Variants in BAZ2B observed in about 807,000 individuals in gnomAD.
The protein encoded by BAZ2B is bromodomain adjacent to zinc finger domain protein 2B.
A neutral mutation model predicts 246.0 loss-of-function variants in BAZ2B; 91 were observed. The ratio of observed to expected loss-of-function variants is 0.37; its 90% CI spans 0.31 to 0.44. The LOEUF is 0.44. Ranked by LOEUF, BAZ2B falls within the 20% of genes least tolerant of loss-of-function variation. BAZ2B has a pLI of 1.00. For synonymous variants in BAZ2B, 855 were observed against 860.0 expected (o/e 0.99, Z 0.10); for missense variants, 2,332 against 2,533.7 (o/e 0.92, Z 1.71).
intron 3 of BAZ2B, among the ~76,000 whole-genome samples, chr2:159,455,277 G>C (rs2075593027): frequency 6.6e-6 from 1 of 151,930 alleles, no homozygotes; most frequent in South Asian, 2.1e-4. Flanking sequence ...AAAACCAAGG[G>C]AAAGTCCTAA....
intron 17 of BAZ2B, 163 bp from the exon 18 acceptor site, chr2:159,399,057 G>A (rs543264608): frequency 1.5e-4 from 80 of 533,944 alleles, no homozygotes; most frequent in Middle Eastern, 1.4e-3. Flanking sequence ...TATGTTTAAC[G>A]TAATAATTTT....
chr2:159,659,335 C>T, the BAZ2B span, among the ~76,000 whole-genome samples: 1 of 152,172 alleles, frequency 6.6e-6, no homozygotes, highest in Non-Finnish European at 1.5e-5. Flanking sequence ...GCAGAACCTA[C>T]TAAAAGTTTG....
intron 2 of BAZ2B, among the ~76,000 whole-genome samples, chr2:159,502,279 T>C (rs1222981471): frequency 5.3e-5 from 8 of 151,848 alleles, no homozygotes. Context: ...CTGAATTGTA[T>C]ACTTTAAATG....
intron 3 of BAZ2B, among the ~76,000 whole-genome samples, chr2:159,472,351 T>G (rs950831088): frequency 2.0e-5 from 3 of 152,264 alleles, no homozygotes; most frequent in Admixed American, 6.5e-5. Flanking sequence ...AAGGAGATTT[T>G]GGGCTGAGAT....
At chr2:159,346,778 A>G (rs1229421198) in intron 31 of BAZ2B, among the ~76,000 whole-genome samples, 2 of 152,306 alleles carry the variant, frequency 1.3e-5, no homozygotes, top group Non-Finnish European at 2.9e-5. Flanking sequence ...GGAGACCTTT[A>G]TACCCCTCTT....
At chr2:159,540,748 TG>T (rs561665840) in intron 2 of BAZ2B, among the ~76,000 whole-genome samples, 72 of 152,324 alleles carry the variant, frequency 4.7e-4, no homozygotes, top group Non-Finnish European at 8.5e-4. Flanking sequence ...AAACGATACT[TG>T]GAAACTATCT....
chr2:159,362,681 T>C (rs955105242), intron 27 of BAZ2B, among the ~76,000 whole-genome samples: 2 of 152,196 alleles, frequency 1.3e-5, no homozygotes, highest in African/African-American at 4.8e-5. Context: ...GAATTTCTCC[T>C]GGGGACAGTG....
At chr2:159,450,476 A>G (rs1453719225) in intron 4 of BAZ2B, among the ~76,000 whole-genome samples, 4 of 152,148 alleles carry the variant, frequency 2.6e-5, no homozygotes, top group African/African-American at 7.2e-5. Flanking sequence ...AAGAAAATAC[A>G]AAACAATAAG....
chr2:159,584,264 A>T (rs72960256), intron 1 of BAZ2B, among the ~76,000 whole-genome samples: 1 of 151,844 alleles, frequency 6.6e-6, no homozygotes, highest in Non-Finnish European at 1.5e-5. Context: ...TGGGACTACA[A>T]GCATGTGCCA....
chr2:159,451,074 T>C (rs1035640061), intron 4 of BAZ2B, among the ~76,000 whole-genome samples: 1 of 152,186 alleles, frequency 6.6e-6, no homozygotes, highest in Admixed American at 6.5e-5. Flanking sequence ...TCAGAGGACA[T>C]AACAGATCTC....
At chr2:159,653,523 C>G in the BAZ2B span, among the ~76,000 whole-genome samples, 1 of 152,240 alleles carries the variant, frequency 6.6e-6, no homozygotes, top group African/African-American at 2.4e-5. Context: ...CCTAGTACCT[C>G]TAAACAAAAC....
At chr2:159,461,763 T>C (rs1184975371) in intron 3 of BAZ2B, 1 of 152,720 alleles carries the variant, frequency 6.5e-6, no homozygotes, top group Non-Finnish European at 1.5e-5. Context: ...GCAAACGTGT[T>C]CAAGTGCAGG....
At chr2:159,625,468 G>T in the BAZ2B span, among the ~76,000 whole-genome samples, 1 of 152,164 alleles carries the variant, frequency 6.6e-6, no homozygotes, top group East Asian at 1.9e-4. Context: ...ATCAGAGTAA[G>T]AGTGGATCTC....
intron 3 of BAZ2B, chr2:159,462,430 A>C (rs1303181867): frequency 1.6e-6 from 2 of 1,240,440 alleles, no homozygotes; most frequent in Admixed American, 1.7e-5. Flanking sequence ...GTTGTAGCTG[A>C]GTAATCTTGT....
intron 27 of BAZ2B, among the ~76,000 whole-genome samples, chr2:159,361,322 T>C (rs537415178): frequency 4.3e-4 from 66 of 152,304 alleles, no homozygotes; most frequent in African/African-American, 1.2e-3. Flanking sequence ...AAAGAAGACA[T>C]TGATGCAGCC....
chr2:159,424,005 C>T (rs1428308090), intron 13 of BAZ2B, among the ~76,000 whole-genome samples: 1 of 151,960 alleles, frequency 6.6e-6, no homozygotes, highest in Non-Finnish European at 1.5e-5. Context: ...CCTGAGCCTA[C>T]AATAAAAGTT....
At chr2:159,392,320 C>T (rs555228685) in intron 20 of BAZ2B, 1 of 152,190 alleles carries the variant, frequency 6.6e-6, no homozygotes, top group South Asian at 2.1e-4. Context: ...TGCCTAGTTC[C>T]TCCTCCTTCA....
chr2:159,559,190 A>G (rs1398051026), intron 1 of BAZ2B, among the ~76,000 whole-genome samples: 1 of 152,036 alleles, frequency 6.6e-6, no homozygotes, highest in African/African-American at 2.4e-5. Flanking sequence ...GGCTGCAGTG[A>G]GCTCTGATCG....
intron 1 of BAZ2B, among the ~76,000 whole-genome samples, chr2:159,615,096 G>C (rs1331865682): frequency 2.6e-5 from 4 of 152,186 alleles, no homozygotes; most frequent in African/African-American, 9.7e-5. Context: ...AAGGACTGCA[G>C]CTGCTTCCCT....
Sources: allele counts gnomAD v4.1 joint callset (sites outside exome capture counted in the v4.1 genomes callset), GRCh38; gene constraint gnomAD v4.1.1; transcripts MANE v1.5; gene names NCBI Gene and HGNC (gene_info 2026-07-23, HGNC 2026-07-21).